The following EIF4G3 variants were observed in gnomAD, a reference collection of about 807,000 sequenced individuals.
EIF4G3 encodes the protein eukaryotic translation initiation factor 4 gamma 3.
Under a neutral mutation model 186.4 loss-of-function variants are expected in EIF4G3, and 34 were observed. The observed-to-expected ratio is 0.18, with a 90% CI of 0.14 to 0.24. The LOEUF is 0.24. Among genes scored for constraint, EIF4G3 ranks in the 10% least tolerant of loss-of-function variants. The probability of loss-of-function intolerance (pLI) is 1.00; values close to 1 mark genes in which losing one functional copy is unlikely to be tolerated. For synonymous variants in EIF4G3, 673 were observed against 679.5 expected, an observed-to-expected ratio of 0.99 and a Z score of 0.15; for missense variants, 1,536 against 1,948.5, an observed-to-expected ratio of 0.79 and a Z score of 3.99.
intron 22 of EIF4G3, 93 bp downstream of exon 22, chr1:20,864,383 T>C (rs1319470993): frequency 6.1e-5 from 57 of 932,146 alleles, no homozygotes; most frequent in Middle Eastern, 3.1e-4. Flanking sequence ...CCCAGACCTT[T>C]GGGAAAAGAT....
At chr1:20,886,051 C>T in intron 19 of EIF4G3, 150 bp downstream of exon 19, 1 of 955,350 alleles carries the variant, frequency 1.0e-6, no homozygotes. Context: ...TGCCTGGCAT[C>T]CATAATGGCT....
At chr1:21,059,803 T>C (rs557395068) in intron 3 of EIF4G3, among the ~76,000 whole-genome samples, 7 of 152,244 alleles carry the variant, frequency 4.6e-5, no homozygotes, top group African/African-American at 1.2e-4. Context: ...AACTATCCAA[T>C]AGAAACAAGA....
chr1:20,930,407 T>C (rs2095252094), intron 14 of EIF4G3, among the ~76,000 whole-genome samples: 1 of 152,228 alleles, frequency 6.6e-6, no homozygotes, highest in Non-Finnish European at 1.5e-5. Context: ...TTCTAAATCC[T>C]TTGTTGTCAT....
chr1:20,836,251 T>C lies in EIF4G3; in HGVS notation c.4061+4605A>G, dbSNP rs140380228. ...GCCCACTTTGGCCTCCCAAAGTGTT[T>C]TTTATTTTTAAAGATAGGATCTCAC... On this transcript the variant is annotated intron_variant, in intron 30 of 36. Coordinates refer to ENST00000602326, the MANE Select transcript of EIF4G3 (RefSeq NM_001391906.1). 7.9e-5 allele frequency among the ~76,000 whole-genome samples: 12 copies of C among 151,976 alleles called. No individual in the cohort carries two copies. In the East Asian group the frequency reaches 2.3e-3, roughly 30 times the overall value.
chr1:21,037,841 C>A (rs1034101038), intron 4 of EIF4G3, among the ~76,000 whole-genome samples: 1 of 152,178 alleles, frequency 6.6e-6, no homozygotes, highest in Non-Finnish European at 1.5e-5. Context: ...TGTTCCTAAT[C>A]GGCTGTGGGA....
In EIF4G3 at chr1:20,849,548, C is replaced by A; in HGVS notation, c.3773-18G>T. Reference sequence around the variant, plus strand: ...TGGTTTTGCTATTAGTGAGGCCCCCCAAAAAAAGTAAAAATAATAAAAATT... The same window carrying A: ...TGGTTTTGCTATTAGTGAGGCCCCCAAAAAAAAGTAAAAATAATAAAAATT... On this transcript the variant is annotated intron_variant, in intron 28 of 36. Coordinates refer to ENST00000602326, the MANE Select transcript of EIF4G3 (RefSeq NM_001391906.1). The A allele has an allele frequency of 3.1e-6, 4 of 1,273,438 alleles. No homozygotes were observed. Among genetic ancestry groups the A allele is most frequent in the South Asian group, 1.5e-5 (1 of 65,686 alleles). 78.9% of individuals were successfully genotyped at this position (1,273,438 alleles called of 1,614,324 possible).
At chr1:21,137,249 TC>T (rs2097262301) in intron 2 of EIF4G3, among the ~76,000 whole-genome samples, 1 of 151,828 alleles carries the variant, frequency 6.6e-6, no homozygotes, top group Non-Finnish European at 1.5e-5. Flanking sequence ...GCTAAAGTGA[TC>T]CTCCTGCCTC....
intron 2 of EIF4G3, among the ~76,000 whole-genome samples, chr1:21,094,764 G>T (rs1479303338): frequency 4.8e-5 from 4 of 83,022 alleles, no homozygotes; most frequent in Non-Finnish European, 9.9e-5. Context: ...AGAACTTAAA[G>T]TATAATAATA....
At chr1:21,171,145 C>T (rs939686299) in intron 2 of EIF4G3, among the ~76,000 whole-genome samples, 4 of 152,208 alleles carry the variant, frequency 2.6e-5, no homozygotes, top group Non-Finnish European at 5.9e-5. Context: ...TCAGAAGTCG[C>T]TTGGGATCCT....
At chr1:21,045,256 G>A (rs937138304) in intron 4 of EIF4G3, among the ~76,000 whole-genome samples, 2 of 152,162 alleles carry the variant, frequency 1.3e-5, no homozygotes, top group Non-Finnish European at 2.9e-5. Context: ...GCAAAAATGG[G>A]TGTTGGGACC....
intron 2 of EIF4G3, among the ~76,000 whole-genome samples, chr1:21,108,902 CAAAAA>C (rs767728797): frequency 1.5e-4 from 5 of 33,216 alleles, no homozygotes; most frequent in Admixed American, 3.1e-4. Context: ...GACTCCATCT[CAAAAA>C]AAAAAAAAAA....
intron 4 of EIF4G3, among the ~76,000 whole-genome samples, chr1:21,009,739 C>A (rs1418117458): frequency 6.6e-6 from 1 of 152,028 alleles, no homozygotes; most frequent in African/African-American, 2.4e-5. Context: ...ACTGCAACCT[C>A]CACCTCCCGG....
intron 14 of EIF4G3, among the ~76,000 whole-genome samples, chr1:20,927,093 G>T (rs536125722): frequency 6.6e-4 from 100 of 150,878 alleles, no homozygotes; most frequent in Non-Finnish European, 1.1e-3. Context: ...GCCCAGGCTG[G>T]AGTGCACTGG....
At position 20,917,192 on chromosome 1, in the gene EIF4G3, T is replaced by G. The variant is rs150936265; in HGVS notation, c.1664-12221A>C. On this transcript the variant is annotated intron_variant, in intron 14 of 36. Transcript: ENST00000602326. The stretch of plus-strand genomic sequence containing the variant: ...ACATACTCAACAACATATATAAACA[T>G]GCTGAATGAAAGAAGCCAGTCAGGC... Among the ~76,000 whole-genome samples, 647 of 152,286 alleles carry G rather than the reference T, an allele frequency of 4.2e-3. 3 individuals are homozygous for G. The highest frequency in any genetic ancestry group is 0.014 in the African/African-American group (584 of 41,570).
rs202173650 is a variant in EIF4G3, at chr1:20,807,303, T to G, written c.*16A>C. On this transcript the variant is annotated 3_prime_UTR_variant, in exon 37 of 37. Coordinates refer to ENST00000602326, the MANE Select transcript of EIF4G3 (RefSeq NM_001391906.1). Reference sequence around the variant, plus strand: ...CTTAAATTGTTTCTTTTGTTTCATTTTGTGTATTTGAAGTTTTAGTTATCC... The same window carrying G: ...CTTAAATTGTTTCTTTTGTTTCATTGTGTGTATTTGAAGTTTTAGTTATCC... 3.4e-5 allele frequency: 52 copies of G among 1,551,172 alleles called. No homozygotes were observed. The highest frequency in any genetic ancestry group is 4.5e-5 in the Non-Finnish European group (51 of 1,143,552).
At chr1:20,902,721 A>T (rs548708198) in intron 15 of EIF4G3, among the ~76,000 whole-genome samples, 1 of 152,118 alleles carries the variant, frequency 6.6e-6, no homozygotes, top group South Asian at 2.1e-4. Flanking sequence ...GCTCATTGCA[A>T]CCTCCGCCTT....
chr1:21,174,521 G>C (rs1054823697), intron 2 of EIF4G3, among the ~76,000 whole-genome samples: 1 of 152,144 alleles, frequency 6.6e-6, no homozygotes, highest in African/African-American at 2.4e-5. Flanking sequence ...TTACGTGGTA[G>C]CACAATTCAG....
chr1:21,042,644 G>A (rs963995604), intron 4 of EIF4G3, among the ~76,000 whole-genome samples: 2 of 152,046 alleles, frequency 1.3e-5, no homozygotes, highest in African/African-American at 4.8e-5. Flanking sequence ...CAATAAATCT[G>A]AAAAGACATA....
chr1:20,982,915 TA>T (rs2078618259), intron 7 of EIF4G3, among the ~76,000 whole-genome samples: 1 of 152,230 alleles, frequency 6.6e-6, no homozygotes, highest in Non-Finnish European at 1.5e-5. Context: ...ATCAGGTATA[TA>T]AGAGGGCACT....
Sources: allele counts gnomAD v4.1 joint callset (sites outside exome capture counted in the v4.1 genomes callset), GRCh38; gene constraint gnomAD v4.1.1; transcripts MANE v1.5; gene names NCBI Gene and HGNC (gene_info 2026-07-23, HGNC 2026-07-21).